IARS2: variants seen among roughly 807,000 people sequenced by gnomAD.
IARS2 encodes the protein isoleucyl-tRNA synthetase 2, mitochondrial.
IARS2 carries 56 observed loss-of-function variants against 126.3 expected under a neutral mutation model. The ratio of observed to expected loss-of-function variants is 0.44; its 90% confidence interval spans 0.36 to 0.55. The LOEUF is 0.55. IARS2 is among the 20% of genes least tolerant of loss of function. IARS2 has a pLI of 0.00. For missense variants in IARS2, 1,127 were observed against 1,245.9 expected, an observed-to-expected ratio of 0.90 and a Z score of 1.44; for synonymous variants, 407 against 441.1, an observed-to-expected ratio of 0.92 and a Z score of 0.97.
intron 20 of IARS2, 29 bp from the exon 21 acceptor site, chr1:220,142,915 A>G (rs762030028): frequency 6.6e-7 from 1 of 1,525,392 alleles, no homozygotes; most frequent in Non-Finnish European, 9.0e-7. Context: ...ATGTTTGTAA[A>G]GCAGTTTACT....
chr1:220,111,408 TA>T (rs1656796597), intron 11 of IARS2, among the ~76,000 whole-genome samples: 2 of 151,976 alleles, frequency 1.3e-5, no homozygotes, highest in African/African-American at 4.8e-5. Flanking sequence ...TACAATCAAT[TA>T]AAAAAGTTAC....
At chr1:220,111,191 G>A (rs1656792753) in intron 11 of IARS2, among the ~76,000 whole-genome samples, 1 of 152,124 alleles carries the variant, frequency 6.6e-6, no homozygotes, top group African/African-American at 2.4e-5. Flanking sequence ...AGACTTTCTT[G>A]CCCAGTGTAG....
At chr1:220,124,829 C>G (rs978760893) in intron 12 of IARS2, among the ~76,000 whole-genome samples, 2 of 152,186 alleles carry the variant, frequency 1.3e-5, no homozygotes. Flanking sequence ...GAAGTACTCT[C>G]AGACCATTGA....
chr1:220,100,071 T>C (rs1656540389), intron 2 of IARS2, among the ~76,000 whole-genome samples: 2 of 152,304 alleles, frequency 1.3e-5, no homozygotes, highest in South Asian at 2.1e-4. Flanking sequence ...TAGTAATATA[T>C]TTTTTAAAAG....
intron 11 of IARS2, among the ~76,000 whole-genome samples, chr1:220,113,054 G>A (rs954918633): frequency 6.6e-6 from 1 of 151,884 alleles, no homozygotes; most frequent in Admixed American, 6.6e-5. Flanking sequence ...TGGTAGAGAC[G>A]GAGTTTCTCC....
At chr1:220,147,296 C>T (rs1432401758) in intron 22 of IARS2, among the ~76,000 whole-genome samples, 197 bp from the exon 23 acceptor site, 4 of 152,082 alleles carry the variant, frequency 2.6e-5, no homozygotes, top group Non-Finnish European at 5.9e-5. Context: ...TCTCTAATTC[C>T]TCAGCTCCCT....
At position 220,102,684 on chromosome 1, in the gene IARS2, C is replaced by T; in HGVS notation, c.860-3C>T. 1.2e-6 allele frequency: 2 copies of T among 1,608,008 alleles called. No individual in the cohort carries two copies. The highest frequency in any genetic ancestry group is 1.7e-6 in the Non-Finnish European group (2 of 1,174,434). Reference sequence around the variant, plus strand: ...TAACATATTTACAATTGTATTTTCACAGATGGTTCATCTCCTGTTAGTATT... The same window carrying T: ...TAACATATTTACAATTGTATTTTCATAGATGGTTCATCTCCTGTTAGTATT... On this transcript the variant is annotated splice_region_variant and splice_polypyrimidine_tract_variant and intron_variant, in intron 6 of 22. Coordinates refer to ENST00000366922, the MANE Select transcript of IARS2 (RefSeq NM_018060.4).
intron 1 of IARS2, among the ~76,000 whole-genome samples, chr1:220,095,018 T>C (rs1656408280): frequency 6.6e-6 from 1 of 151,634 alleles, no homozygotes; most frequent in Admixed American, 6.6e-5. Flanking sequence ...GAAGGGGAAG[T>C]TGAAGCCCAC....
chr1:220,132,931 C>T (rs567834457), intron 14 of IARS2, among the ~76,000 whole-genome samples: 1 of 152,250 alleles, frequency 6.6e-6, no homozygotes, highest in East Asian at 1.9e-4. Context: ...TACCTTCTTA[C>T]ATTATCTCAG....
Position 220,147,738 on chromosome 1 carries a change from G to A in IARS2, c.*103G>A. Reference sequence around the variant, plus strand: ...AAGAAAGCCAAGATTTAGGTAATGAGTGGATGAGTAAATGGTGGAGGATGG... The same window carrying A: ...AAGAAAGCCAAGATTTAGGTAATGAATGGATGAGTAAATGGTGGAGGATGG... On this transcript the variant is annotated 3_prime_UTR_variant, in exon 23 of 23. Transcript: ENST00000366922. 8.7e-7 allele frequency: 1 copy of A among 1,153,642 alleles called. No homozygotes were observed. The highest frequency in any genetic ancestry group is 2.3e-5 in the Admixed American group (1 of 43,750). 71.5% of individuals were successfully genotyped at this position (1,153,642 alleles called of 1,614,324 possible).
At chr1:220,095,751 G>C (rs952959849) in intron 1 of IARS2, among the ~76,000 whole-genome samples, 4 of 152,184 alleles carry the variant, frequency 2.6e-5, no homozygotes, top group Non-Finnish European at 5.9e-5. Flanking sequence ...TATGTGTGTC[G>C]GGAATCTGCA....
intron 14 of IARS2, among the ~76,000 whole-genome samples, chr1:220,127,468 G>A (rs1056310726): frequency 6.6e-6 from 1 of 152,206 alleles, no homozygotes; most frequent in Admixed American, 6.5e-5. Context: ...ACATATTAGA[G>A]GATGTGTTTA....
chr1:220,111,596 A>G lies in IARS2; in HGVS notation c.1479+659A>G, dbSNP rs866352487. Among the ~76,000 whole-genome samples, 668 of 133,330 alleles carry G rather than the reference A, an allele frequency of 5.0e-3. 4 individuals are homozygous for G. Among genetic ancestry groups the G allele is most frequent in the African/African-American group, 0.017 (590 of 34,728 alleles). 87.5% of individuals were successfully genotyped at this position (133,330 alleles called of 152,430 possible). On this transcript the variant is annotated intron_variant, in intron 11 of 22. Coordinates refer to ENST00000366922, the MANE Select transcript of IARS2 (RefSeq NM_018060.4). ...TATGGGTATATATATATATATATAT[A>G]TATGTGTGTGTGTGTGTGTGTGTGT...
In IARS2 at chr1:220,110,856, C is replaced by G; in HGVS notation, c.1398C>G (p.Asp466Glu). 6.2e-7 allele frequency: 1 copy of G among 1,613,562 alleles called. No homozygotes were observed. The highest frequency in any genetic ancestry group is 1.3e-5 in the African/African-American group (1 of 74,980). ...EEKLVHSYPYDWRTKKPVVIR... is the reference protein window; with the variant it reads ...EEKLVHSYPYEWRTKKPVVIR... ...AATTGGTGCATAGCTATCCGTATGA[C>G]TGGAGGACCAAGAAACCTGTGGTTA... is the stretch of plus-strand genomic sequence containing the variant. The change falls in exon 11 of 23, where the codon GAC (aspartate) becomes GAG (glutamate). Residue 466 changes from aspartate (D) to glutamate (E), a missense_variant. Coordinates refer to ENST00000366922, the MANE Select transcript of IARS2 (RefSeq NM_018060.4).
intron 1 of IARS2, among the ~76,000 whole-genome samples, chr1:220,095,200 G>A (rs561098216): frequency 7.9e-5 from 12 of 152,086 alleles, no homozygotes; most frequent in Non-Finnish European, 1.6e-4. Flanking sequence ...CACCACGCCC[G>A]GCTAATTTTT....
chr1:220,134,318 AT>A (rs1478846486), intron 14 of IARS2, 83 bp from the exon 15 acceptor site: 1 of 925,402 alleles, frequency 1.1e-6, no homozygotes, highest in East Asian at 2.8e-5. Flanking sequence ...CTCCCCACTA[AT>A]TGTTATTAAT....
intron 8 of IARS2, among the ~76,000 whole-genome samples, chr1:220,104,066 C>T (rs548375305): frequency 1.3e-5 from 2 of 152,186 alleles, no homozygotes; most frequent in Non-Finnish European, 2.9e-5. Flanking sequence ...CTCAAACTCC[C>T]GGGCTCAAGC....
intron 10 of IARS2, among the ~76,000 whole-genome samples, chr1:220,110,260 A>G (rs1271798499): frequency 6.6e-6 from 1 of 152,116 alleles, no homozygotes; most frequent in East Asian, 1.9e-4. Context: ...GGGTTTCACC[A>G]TGCAGGCCAG....
At chr1:220,125,112 C>A in intron 12 of IARS2, 125 bp from the exon 13 acceptor site, 1 of 509,650 alleles carries the variant, frequency 2.0e-6, no homozygotes. Flanking sequence ...AAAATGATAG[C>A]AGCTTTTTCT....
Sources: gnomAD v4.1 joint callset for allele counts (sites outside exome capture counted in the v4.1 genomes callset) on GRCh38, gnomAD v4.1.1 for gene constraint, MANE v1.5 for transcripts, NCBI Gene and HGNC (gene_info 2026-07-23, HGNC 2026-07-21) for gene names.